The following LPP variants were observed in gnomAD, a reference collection of about 807,000 sequenced individuals.
LPP encodes the protein LIM domain containing preferred translocation partner in lipoma, also known as lipoma-preferred partner.
Under a neutral mutation model 60.4 loss-of-function variants are expected in LPP, and 38 were observed. The observed-to-expected ratio is 0.63, with a 90% CI of 0.49 to 0.83. The LOEUF (loss-of-function observed/expected upper bound fraction) is 0.83, where lower values mean the gene tolerates loss of function less well. Ranked by LOEUF, LPP falls within the 40% of genes least tolerant of loss-of-function variation. The pLI, the probability that LPP is intolerant of heterozygous loss-of-function variation, is 0.00. For synonymous variants in LPP, 328 were observed against 290.8 expected, an observed-to-expected ratio of 1.13 and a Z score of -1.30; for missense variants, 902 against 783.6, an observed-to-expected ratio of 1.15 and a Z score of -1.80.
At chr3:188,678,219 T>C (rs561259518) in intron 7 of LPP, among the ~76,000 whole-genome samples, 12 of 152,358 alleles carry the variant, frequency 7.9e-5, no homozygotes, top group Admixed American at 5.2e-4. Context: ...TACAACACGC[T>C]TTCCTCAATT....
chr3:188,388,280 A>G (rs1284358619), intron 3 of LPP, among the ~76,000 whole-genome samples: 4 of 152,244 alleles, frequency 2.6e-5, no homozygotes, highest in Non-Finnish European at 5.9e-5. Flanking sequence ...GTTGTTAAGT[A>G]GTTGTTTTCC....
chr3:188,589,877 T>C (rs1445198070), intron 6 of LPP, among the ~76,000 whole-genome samples: 2 of 152,236 alleles, frequency 1.3e-5, no homozygotes, highest in African/African-American at 4.8e-5. Context: ...GTAGCTCCAT[T>C]TGAAAAGATG....
intron 4 of LPP, among the ~76,000 whole-genome samples, chr3:188,448,476 ATATCTT>A (rs1159656367): frequency 6.6e-6 from 1 of 151,972 alleles, no homozygotes; most frequent in East Asian, 1.9e-4. Flanking sequence ...CTATATTTAG[ATATCTT>A]TATCTAAATA....
chr3:188,611,429 A>G (rs1298297586), intron 7 of LPP, among the ~76,000 whole-genome samples: 1 of 152,212 alleles, frequency 6.6e-6, no homozygotes, highest in African/African-American at 2.4e-5. Flanking sequence ...CTCCTGGCCC[A>G]GTCAAGGGGA....
chr3:188,450,482 C>T (rs1056495919), intron 4 of LPP, among the ~76,000 whole-genome samples: 6 of 152,232 alleles, frequency 3.9e-5, no homozygotes, highest in South Asian at 4.2e-4. Flanking sequence ...CGGTGGCTCA[C>T]GCCTGTAATC....
intron 8 of LPP, chr3:188,710,222 A>G (rs1046579026): frequency 6.6e-6 from 1 of 152,224 alleles, no homozygotes; most frequent in Non-Finnish European, 1.5e-5. Flanking sequence ...AGTAGGAGGT[A>G]TTAGGATATG....
At chr3:188,620,900 A>G (rs981252554) in intron 7 of LPP, among the ~76,000 whole-genome samples, 2 of 152,188 alleles carry the variant, frequency 1.3e-5, no homozygotes, top group Admixed American at 1.3e-4. Flanking sequence ...TTGTTTCTGT[A>G]TGCCTAATAT....
chr3:188,168,349 A>G (rs1000677671), intron 1 of LPP, among the ~76,000 whole-genome samples: 2 of 152,236 alleles, frequency 1.3e-5, no homozygotes, highest in South Asian at 2.1e-4. Flanking sequence ...TTTTGTGTCC[A>G]TAGCCTTTTA....
chr3:188,308,448 G>A (rs577982712), intron 2 of LPP, among the ~76,000 whole-genome samples: 2 of 152,174 alleles, frequency 1.3e-5, no homozygotes, highest in South Asian at 2.1e-4. Flanking sequence ...CATTTGGAAC[G>A]TTAGGATTTA....
At chr3:188,492,334 T>C (rs1362050014) in intron 5 of LPP, among the ~76,000 whole-genome samples, 4 of 152,142 alleles carry the variant, frequency 2.6e-5, no homozygotes, top group Non-Finnish European at 5.9e-5. Flanking sequence ...TCTTCAAAGG[T>C]GAAATGTACT....
chr3:188,757,094 C>T (rs763848352), intron 8 of LPP, among the ~76,000 whole-genome samples: 1 of 152,214 alleles, frequency 6.6e-6, no homozygotes, highest in Non-Finnish European at 1.5e-5. Flanking sequence ...TCTTTCTCCA[C>T]ACAACCTTTC....
At chr3:188,248,252 G>A (rs1727721207) in intron 2 of LPP, among the ~76,000 whole-genome samples, 1 of 151,772 alleles carries the variant, frequency 6.6e-6, no homozygotes. Flanking sequence ...TGGGCGAAGG[G>A]AGCGAAAGGG....
At chr3:188,643,926 CAG>C (rs1850654966) in intron 7 of LPP, among the ~76,000 whole-genome samples, 1 of 152,136 alleles carries the variant, frequency 6.6e-6, no homozygotes, top group Non-Finnish European at 1.5e-5. Context: ...TAAAGGAAGA[CAG>C]AAATACTGCT....
intron 2 of LPP, among the ~76,000 whole-genome samples, chr3:188,323,120 G>A (rs1032847475): frequency 1.6e-4 from 24 of 152,148 alleles, no homozygotes; most frequent in African/African-American, 4.8e-4. Context: ...CTGGCTTCCC[G>A]GTAGACTCAT....
intron 5 of LPP, among the ~76,000 whole-genome samples, chr3:188,492,245 G>A (rs1426311507): frequency 6.6e-6 from 1 of 152,186 alleles, no homozygotes; most frequent in African/African-American, 2.4e-5. Flanking sequence ...TCAAAGTTAA[G>A]TGAGACTATA....
At chr3:188,256,525 A>C (rs889640207) in intron 2 of LPP, among the ~76,000 whole-genome samples, 11 of 152,228 alleles carry the variant, frequency 7.2e-5, no homozygotes, top group Admixed American at 1.3e-4. Context: ...AATTACACTT[A>C]AGGTCATCAG....
intron 7 of LPP, among the ~76,000 whole-genome samples, chr3:188,668,644 C>T (rs567076366): frequency 5.9e-5 from 9 of 152,260 alleles, no homozygotes; most frequent in Non-Finnish European, 8.8e-5. Flanking sequence ...CATCAATCTG[C>T]GGATAAAGCC....
intron 3 of LPP, among the ~76,000 whole-genome samples, chr3:188,393,379 T>C (rs565790066): frequency 1.3e-5 from 2 of 152,264 alleles, no homozygotes; most frequent in Middle Eastern, 3.4e-3. Context: ...CTACTTCCCG[T>C]TGCTAATTGC....
At chr3:188,440,807 A>G (rs1578907109) in intron 4 of LPP, among the ~76,000 whole-genome samples, 1 of 152,168 alleles carries the variant, frequency 6.6e-6, no homozygotes, top group East Asian at 1.9e-4. Flanking sequence ...TGACCTTTAC[A>G]TATCTTTACC....
Sources: gnomAD v4.1 joint callset for allele counts (sites outside exome capture counted in the v4.1 genomes callset) on GRCh38, gnomAD v4.1.1 for gene constraint, MANE v1.5 for transcripts, NCBI Gene and HGNC (gene_info 2026-07-23, HGNC 2026-07-21) for gene names.